The following PTPRN2 variants were observed in gnomAD, a reference collection of about 807,000 sequenced individuals.
PTPRN2 encodes receptor-type tyrosine-protein phosphatase N2.
A neutral mutation model predicts 118.8 loss-of-function variants in PTPRN2; 74 were observed. That is an observed-to-expected ratio of 0.62 (90% CI 0.52 to 0.76). PTPRN2 has a LOEUF of 0.76. PTPRN2 is among the 30% of genes least tolerant of loss of function. PTPRN2 has a pLI of 0.00. For synonymous variants in PTPRN2, 641 were observed against 608.0 expected, an observed-to-expected ratio of 1.05 and a Z score of -0.80; for missense variants, 1,481 against 1,394.4, an observed-to-expected ratio of 1.06 and a Z score of -0.99.
chr7:158,487,155 G>A (rs1242739666), intron 2 of PTPRN2, among the ~76,000 whole-genome samples: 5 of 152,198 alleles, frequency 3.3e-5, no homozygotes, highest in Non-Finnish European at 7.3e-5. Flanking sequence ...GATGGACCAC[G>A]TTTCACTTGT....
chr7:157,904,849 T>C (rs527535703), intron 11 of PTPRN2, among the ~76,000 whole-genome samples: 1 of 152,270 alleles, frequency 6.6e-6, no homozygotes, highest in Non-Finnish European at 1.5e-5. Context: ...AAGGGCAGCC[T>C]CCGCAGCACA....
chr7:158,245,813 G>A (rs939650215), intron 3 of PTPRN2, among the ~76,000 whole-genome samples: 2 of 152,142 alleles, frequency 1.3e-5, no homozygotes, highest in African/African-American at 4.8e-5. Flanking sequence ...TCGCTTGTGC[G>A]TGGCCACCAT....
intron 12 of PTPRN2, among the ~76,000 whole-genome samples, chr7:157,689,098 C>T (rs1208144040): frequency 6.6e-6 from 1 of 152,176 alleles, no homozygotes; most frequent in Non-Finnish European, 1.5e-5. Flanking sequence ...GGCGCAGCCG[C>T]CACCGCCGCC....
Position 157,645,989 on chromosome 7 carries a change from T to G in PTPRN2, c.2196+10368A>C, listed in dbSNP as rs779629016. ...AAGGTGCAAGACGTAAGGGCTAAAA[T>G]CTTTCAGTTTAGAGATTAGCAGATG... is the stretch of plus-strand genomic sequence containing the variant. On this transcript the variant is annotated intron_variant, in intron 14 of 22. Transcript: ENST00000389418. 5.2e-4 allele frequency among the ~76,000 whole-genome samples: 79 copies of G among 152,332 alleles called. 1 individual carries two copies. The Middle Eastern group carries it at 0.027, about 52-fold the overall frequency.
rs1365448592 is a variant in PTPRN2 at position 157,966,508 on chromosome 7, C to T, written c.1724-67771G>A. Among the ~76,000 whole-genome samples the T allele has an allele frequency of 2.0e-5, 3 of 151,896 alleles. No individual in the cohort carries two copies. The East Asian group carries it at 5.8e-4, about 29-fold the overall frequency. On this transcript the variant is annotated intron_variant, in intron 11 of 22. Coordinates refer to ENST00000389418, the MANE Select transcript of PTPRN2 (RefSeq NM_002847.5). ...CAATCCCCATTATCACCATCATCAC[C>T]ATCATCTTCATCACCACCATCATCT... is the stretch of plus-strand genomic sequence containing the variant.
chr7:158,316,351 T>C (rs770998222), intron 3 of PTPRN2, among the ~76,000 whole-genome samples: 11 of 152,210 alleles, frequency 7.2e-5, no homozygotes, highest in East Asian at 1.9e-4. Context: ...CTGTGGGAAT[T>C]CCCTGGTCCT....
intron 2 of PTPRN2, among the ~76,000 whole-genome samples, chr7:158,392,424 C>T (rs575579820): frequency 2.6e-4 from 39 of 152,294 alleles, no homozygotes; most frequent in Non-Finnish European, 3.4e-4. Context: ...GAGAGGGCGG[C>T]GGGGATCTGC....
intron 3 of PTPRN2, among the ~76,000 whole-genome samples, chr7:158,222,508 G>A (rs985036420): frequency 5.3e-5 from 8 of 152,154 alleles, no homozygotes; most frequent in African/African-American, 1.9e-4. Flanking sequence ...TCACTTATAA[G>A]TGGAAACTAA....
At chr7:158,318,366 G>C (rs911238900) in intron 2 of PTPRN2, among the ~76,000 whole-genome samples, 2 of 152,212 alleles carry the variant, frequency 1.3e-5, no homozygotes, top group Admixed American at 6.5e-5. Flanking sequence ...CTTGAAAATA[G>C]AAAGGCAACA....
intron 21 of PTPRN2, among the ~76,000 whole-genome samples, chr7:157,567,111 C>G (rs1180960677): frequency 6.6e-6 from 1 of 152,188 alleles, no homozygotes; most frequent in African/African-American, 2.4e-5. Flanking sequence ...ATACAAATTC[C>G]ATGGATGGCT....
intron 12 of PTPRN2, among the ~76,000 whole-genome samples, chr7:157,886,561 G>A (rs752731480): frequency 4.6e-5 from 7 of 152,228 alleles, no homozygotes; most frequent in Admixed American, 1.3e-4. Context: ...GTGAGCCAGC[G>A]CAACGTGGAA....
intron 3 of PTPRN2, among the ~76,000 whole-genome samples, chr7:158,315,592 A>G (rs964810108): frequency 1.3e-5 from 2 of 152,250 alleles, no homozygotes; most frequent in Admixed American, 1.3e-4. Flanking sequence ...TCCTGTGAGC[A>G]GAATCTCCAG....
chr7:158,167,929 C>T (rs1253612939), intron 5 of PTPRN2, among the ~76,000 whole-genome samples: 2 of 152,220 alleles, frequency 1.3e-5, no homozygotes, highest in Non-Finnish European at 2.9e-5. Flanking sequence ...TTGCTTTTTT[C>T]TACCTTTTGG....
intron 11 of PTPRN2, among the ~76,000 whole-genome samples, chr7:158,077,297 ACCAGCTTCACAAAGATGCCGAACAGG>A (rs1812437153): frequency 6.6e-6 from 1 of 152,198 alleles, no homozygotes; most frequent in African/African-American, 2.4e-5. Flanking sequence ...TCTGACACTC[ACCAGCTTCACAAAGATGCCGAACAGG>A]CAGAAGCAGG....
chr7:157,698,537 T>A (rs1797919201), intron 12 of PTPRN2, among the ~76,000 whole-genome samples: 1 of 152,210 alleles, frequency 6.6e-6, no homozygotes, highest in Non-Finnish European at 1.5e-5. Context: ...ATGTTTAGAC[T>A]TTTCTTCCCC....
intron 11 of PTPRN2, among the ~76,000 whole-genome samples, chr7:157,920,470 C>T (rs991523100): frequency 6.6e-6 from 1 of 152,200 alleles, no homozygotes; most frequent in Admixed American, 6.5e-5. Flanking sequence ...TGAGCCTACA[C>T]CAAGGCCCCC....
chr7:157,863,165 G>A (rs1029167248), intron 12 of PTPRN2: 2 of 152,276 alleles, frequency 1.3e-5, no homozygotes, highest in African/African-American at 4.8e-5. Flanking sequence ...AGTAGGCTGT[G>A]TGGTCTGGGA....
chr7:157,790,051 T>G (rs1189981979), intron 12 of PTPRN2, among the ~76,000 whole-genome samples: 2 of 113,666 alleles, frequency 1.8e-5, no homozygotes, highest in East Asian at 2.9e-4. Context: ...GTGTGGTGTT[T>G]GTGTGGTGTG....
At chr7:158,444,530 A>C (rs975529733) in intron 2 of PTPRN2, among the ~76,000 whole-genome samples, 6 of 152,242 alleles carry the variant, frequency 3.9e-5, no homozygotes. Context: ...GAAGAGGCCG[A>C]GCCTCAGAGT....
Sources: allele counts gnomAD v4.1 joint callset (sites outside exome capture counted in the v4.1 genomes callset), GRCh38; gene constraint gnomAD v4.1.1; transcripts MANE v1.5; gene names NCBI Gene and HGNC (gene_info 2026-07-23, HGNC 2026-07-21).